Variants in ARFGAP1 observed in about 807,000 individuals in gnomAD.
The protein encoded by ARFGAP1 is ADP-ribosylation factor GTPase-activating protein 1.
In ARFGAP1, 26 loss-of-function variants were observed where a neutral mutation model predicts 54.0. That is an observed-to-expected ratio of 0.48 (90% CI 0.35 to 0.67). The LOEUF (loss-of-function observed/expected upper bound fraction) is 0.67, where lower values mean the gene tolerates loss of function less well. Among genes scored for constraint, ARFGAP1 ranks in the 30% least tolerant of loss-of-function variants. ARFGAP1 has a pLI of 0.00. For missense variants in ARFGAP1, 525 were observed against 535.8 expected (o/e 0.98, Z 0.20); for synonymous variants, 248 against 211.9 (o/e 1.17, Z -1.48).
chr20:63,277,500 CAGAT>C (rs532440137), intron 5 of ARFGAP1, among the ~76,000 whole-genome samples, 195 bp downstream of exon 5: 321 of 152,344 alleles, frequency 2.1e-3, no homozygotes, highest in Non-Finnish European at 3.5e-3. Flanking sequence ...AGAGCTGTCT[CAGAT>C]AGCGCCCCAG....
At chr20:63,278,803 C>A in intron 6 of ARFGAP1, 96 bp from the exon 7 acceptor site, 1 of 1,208,564 alleles carries the variant, frequency 8.3e-7, no homozygotes, top group Non-Finnish European at 1.2e-6. Context: ...GCACGTCCCC[C>A]AGAGCCCCAG....
At chr20:63,279,114 A>G in intron 7 of ARFGAP1, 119 bp downstream of exon 7, 1 of 1,031,352 alleles carries the variant, frequency 9.7e-7, no homozygotes, top group South Asian at 1.3e-5. Flanking sequence ...GTTCTGATCT[A>G]AGGACCCCTC....
At chr20:63,273,801 C>T (rs374731372) in intron 1 of ARFGAP1, among the ~76,000 whole-genome samples, 40 of 152,302 alleles carry the variant, frequency 2.6e-4, no homozygotes, top group African/African-American at 8.7e-4. Context: ...CCGAGTATGG[C>T]GACCAGGATT....
At chr20:63,281,244 T>C in intron 7 of ARFGAP1, 47 bp from the exon 8 acceptor site, 2 of 1,561,160 alleles carry the variant, frequency 1.3e-6, no homozygotes, top group Non-Finnish European at 1.7e-6. Context: ...AGCGCCGGGT[T>C]CCTGGGTCCC....
intron 6 of ARFGAP1, chr20:63,278,413 G>A (rs2067288537): frequency 1.9e-6 from 1 of 520,960 alleles, no homozygotes; most frequent in African/African-American, 2.3e-5. Context: ...GCCAGCCCAG[G>A]TGTGAATTGG....
At position 63,283,891 on chromosome 20, in the gene ARFGAP1, T is replaced by C. The variant is rs929606293; in HGVS notation, c.718-975T>C. On this transcript the variant is annotated intron_variant, in intron 9 of 12. Transcript: ENST00000370283. The stretch of plus-strand genomic sequence containing the variant: ...CAGCAGCCGGAGCCGGTAAAGCCCG[T>C]GTCTGCTCGTGCATGCCGCCCGCAT... 6 of 1,613,432 alleles carry C rather than the reference T, an allele frequency of 3.7e-6. No individual in the cohort carries two copies. In the African/African-American group the frequency reaches 6.7e-5, roughly 18 times the overall value.
At chr20:63,285,832 G>C in intron 11 of ARFGAP1, 119 bp downstream of exon 11, 1 of 1,493,196 alleles carries the variant, frequency 6.7e-7, no homozygotes, top group Non-Finnish European at 9.2e-7. Context: ...AGTGGCCGCT[G>C]TCCTCTGAGA....
At chr20:63,275,743 G>A in intron 2 of ARFGAP1, 103 bp downstream of exon 2, 1 of 1,177,592 alleles carries the variant, frequency 8.5e-7, no homozygotes, top group Middle Eastern at 2.1e-4. Context: ...TCCTGCAGTG[G>A]ATGGTGGTTG....
intron 1 of ARFGAP1, among the ~76,000 whole-genome samples, chr20:63,275,030 C>T (rs1289036095): frequency 1.3e-5 from 2 of 152,206 alleles, no homozygotes; most frequent in Non-Finnish European, 2.9e-5. Context: ...GCAGGTCCCC[C>T]AGCAGGCTGG....
chr20:63,279,521 C>A (rs1000882496), intron 7 of ARFGAP1, among the ~76,000 whole-genome samples: 11 of 152,164 alleles, frequency 7.2e-5, no homozygotes, highest in Non-Finnish European at 1.3e-4. Flanking sequence ...TTACTTCTAA[C>A]ACAAAATGTG....
At chr20:63,279,201 T>A in intron 7 of ARFGAP1, 5 of 375,580 alleles carry the variant, frequency 1.3e-5, no homozygotes, top group East Asian at 5.9e-5. Context: ...ATCACTTCCT[T>A]TTTTTTTTTT....
chr20:63,282,359 C>A (rs1023825841), intron 8 of ARFGAP1, among the ~76,000 whole-genome samples: 4 of 152,268 alleles, frequency 2.6e-5, no homozygotes, highest in Admixed American at 2.6e-4. Context: ...TTTCTCCTCC[C>A]CCCGAGCTTT....
chr20:63,285,835 C>G (rs2067521324), intron 11 of ARFGAP1, 122 bp downstream of exon 11: 1 of 1,489,680 alleles, frequency 6.7e-7, no homozygotes, highest in Admixed American at 1.8e-5. Flanking sequence ...GGCCGCTGTC[C>G]TCTGAGACGG....
rs976035218 is a variant in ARFGAP1, at chr20:63,288,877, G to T, written c.*1004G>T. On this transcript the variant is annotated 3_prime_UTR_variant, in exon 13 of 13. Coordinates refer to ENST00000370283, the MANE Select transcript of ARFGAP1 (RefSeq NM_018209.4). ...GTCTTGGCCAGCCATGCATGCGCCC[G>T]AAGCTCGTGCAGTTTGTACGTGAGG... 1.1e-5 allele frequency: 3 copies of T among 275,940 alleles called. No individual in the cohort carries two copies. Among genetic ancestry groups the T allele is most frequent in the African/African-American group, 6.5e-5 (3 of 46,020 alleles). The allele number at this position is 275,940 out of a possible 1,614,324, so 17.1% of individuals were successfully genotyped here. A position where few individuals can be genotyped will look rare whatever the true frequency, so the allele number is the denominator to read the frequency against.
At chr20:63,285,620 G>T (rs768496855) in intron 10 of ARFGAP1, 34 bp from the exon 11 acceptor site, 2 of 1,606,604 alleles carry the variant, frequency 1.2e-6, no homozygotes, top group East Asian at 2.2e-5. Flanking sequence ...CATCTCTCCC[G>T]CCCCCATTAA....
chr20:63,275,045 T>G (rs972674725), intron 1 of ARFGAP1, among the ~76,000 whole-genome samples: 1 of 152,170 alleles, frequency 6.6e-6, no homozygotes, highest in African/African-American at 2.4e-5. Flanking sequence ...GGCTGGACTT[T>G]CCACACACTC....
chr20:63,278,946 A>T lies in ARFGAP1; in HGVS notation c.578A>T (p.Gln193Leu). 1 of 1,614,128 alleles carries T rather than the reference A, an allele frequency of 6.2e-7. No individual in the cohort carries two copies. Among genetic ancestry groups the T allele is most frequent in the Non-Finnish European group, 8.5e-7 (1 of 1,180,024 alleles). Residue 193 changes from glutamine (Q) to leucine (L), a missense_variant, in exon 7 of 13, where the codon CAG becomes CTG. Transcript: ENST00000370283. ...GGGTTTGGGAACACGCCACCGCCTCAGAAGAAAGAAGATGACTTCCTCAAC... is the reference window on the plus strand; with the variant it reads ...GGGTTTGGGAACACGCCACCGCCTCTGAAGAAAGAAGATGACTTCCTCAAC... ...YVGFGNTPPPQKKEDDFLNNA... is the reference protein window; with the variant it reads ...YVGFGNTPPPLKKEDDFLNNA...
At chr20:63,282,509 C>T (rs527727256) in intron 8 of ARFGAP1, among the ~76,000 whole-genome samples, 7 of 152,374 alleles carry the variant, frequency 4.6e-5, no homozygotes, top group African/African-American at 1.4e-4. Flanking sequence ...CAGCAGGCCC[C>T]GGCCCTGTCC....
At position 63,289,429 on chromosome 20, in the gene ARFGAP1, G is replaced by A. The variant is rs1444689784; in HGVS notation, c.*1556G>A. The A allele has an allele frequency of 6.6e-6, 1 of 152,270 alleles. No individual in the cohort carries two copies. Among genetic ancestry groups the A allele is most frequent in the African/African-American group, 2.4e-5 (1 of 41,462 alleles). The allele number at this position is 152,270 out of a possible 1,614,324, so 9.4% of individuals were successfully genotyped here. On this transcript the variant is annotated 3_prime_UTR_variant, in exon 13 of 13. Coordinates refer to ENST00000370283, the MANE Select transcript of ARFGAP1 (RefSeq NM_018209.4). ...GGAGGGGTGGACTCCACCTTGGACA[G>A]TGGGATGTGGTGTTCCACATGTGCC...
Sources: gnomAD v4.1 joint callset for allele counts (sites outside exome capture counted in the v4.1 genomes callset) on GRCh38, gnomAD v4.1.1 for gene constraint, MANE v1.5 for transcripts, NCBI Gene and HGNC (gene_info 2026-07-23, HGNC 2026-07-21) for gene names.